Variants in LRRN2 observed in about 807,000 individuals in gnomAD.
The protein encoded by LRRN2 is leucine rich repeat neuronal 2.
A neutral mutation model predicts 35.7 loss-of-function variants in LRRN2; 10 were observed. The ratio of observed to expected loss-of-function variants is 0.28; its 90% CI spans 0.17 to 0.47. LRRN2 has a LOEUF of 0.47. LRRN2 is among the 20% of genes least tolerant of loss of function. The pLI, the probability that LRRN2 is intolerant of heterozygous loss-of-function variation, is 0.99. For missense variants in LRRN2, 731 were observed against 940.3 expected (o/e 0.78, Z 2.91); for synonymous variants, 391 against 409.6 (o/e 0.95, Z 0.55).
intron 1 of LRRN2, among the ~76,000 whole-genome samples, chr1:204,660,440 G>C (rs1243059205): frequency 6.6e-6 from 1 of 152,098 alleles, no homozygotes; most frequent in Non-Finnish European, 1.5e-5. Flanking sequence ...AATAGCAGAT[G>C]TCCAAAATAT....
intron 1 of LRRN2, chr1:204,621,628 G>A (rs910541516): frequency 6.6e-5 from 11 of 167,094 alleles, no homozygotes; most frequent in Non-Finnish European, 1.5e-4. Flanking sequence ...CCTTTCTTCA[G>A]GAGATTAGAC....
chr1:204,684,886 C>A (rs559193027), intron 1 of LRRN2, among the ~76,000 whole-genome samples: 105 of 152,360 alleles, frequency 6.9e-4, no homozygotes, highest in Middle Eastern at 6.8e-3. Context: ...GCGCTTCCAG[C>A]CTGCCAGTCC....
At chr1:204,662,355 C>G (rs151222403) in intron 1 of LRRN2, among the ~76,000 whole-genome samples, 135 of 152,238 alleles carry the variant, frequency 8.9e-4, no homozygotes, top group African/African-American at 3.2e-3. Flanking sequence ...TATGCCAGAC[C>G]CTTTACAAAC....
intron 1 of LRRN2, among the ~76,000 whole-genome samples, chr1:204,645,252 G>A (rs1558412992): frequency 6.6e-6 from 1 of 152,278 alleles, no homozygotes; most frequent in African/African-American, 2.4e-5. Context: ...ATTGGAGCCA[G>A]GTTGGTCTGG....
Position 204,619,568 on chromosome 1 carries a change from C to G in LRRN2, c.425G>C (p.Ser142Thr). The G allele has an allele frequency of 4.3e-6, 7 of 1,614,186 alleles. No individual in the cohort carries two copies. The highest frequency in any genetic ancestry group is 5.1e-6 in the Non-Finnish European group (6 of 1,180,036). The change falls in exon 2 of 2, where the codon AGC (serine) becomes ACC (threonine). Residue 142 changes from serine to threonine, a missense_variant. Physicochemically the swap from Ser to Thr is moderately conservative, Grantham distance 58. Coordinates refer to ENST00000367177, the MANE Select transcript of LRRN2 (RefSeq NM_201630.2). ...LEDHSFAGLA[S>T]LQELYLNHNQ... ...GTGGTTGAGATAGAGTTCCTGTAGG[C>G]TGGCCAGCCCTGCAAAGCTGTGGTC...
Position 204,655,200 on chromosome 1 carries a change from G to A in LRRN2, c.-227+30120C>T, listed in dbSNP as rs550552264. Among the ~76,000 whole-genome samples, 11 of 152,302 alleles carry A rather than the reference G, an allele frequency of 7.2e-5. No individual in the cohort carries two copies. The South Asian group carries it at 2.1e-3, about 29-fold the overall frequency. On this transcript the variant is annotated intron_variant, in intron 1 of 1. Coordinates refer to ENST00000367177, the MANE Select transcript of LRRN2 (RefSeq NM_201630.2). ...GAAATGAGGTAAGTTCTCCGACAGC[G>A]GAACTGACCACCCCAGCAAGTGGTG...
intron 1 of LRRN2, among the ~76,000 whole-genome samples, chr1:204,632,628 C>CAAA (rs10719120): frequency 3.8e-5 from 4 of 104,550 alleles, no homozygotes; most frequent in Non-Finnish European, 5.7e-5. Flanking sequence ...GACTCTGTCT[C>CAAA]AAAAAAAAAA....
intron 1 of LRRN2, among the ~76,000 whole-genome samples, chr1:204,641,045 G>A (rs1391375094): frequency 6.6e-6 from 1 of 150,470 alleles, no homozygotes; most frequent in Non-Finnish European, 1.5e-5. Context: ...AATAGAGCCA[G>A]GGAAGGCCAT....
chr1:204,627,698 G>T (rs1233617875), intron 1 of LRRN2, among the ~76,000 whole-genome samples: 1 of 152,266 alleles, frequency 6.6e-6, no homozygotes, highest in Non-Finnish European at 1.5e-5. Context: ...GCAGCTCCAG[G>T]CTGCATCTCA....
chr1:204,642,183 C>A (rs893111028), intron 1 of LRRN2, among the ~76,000 whole-genome samples: 1 of 152,196 alleles, frequency 6.6e-6, no homozygotes, highest in African/African-American at 2.4e-5. Context: ...ACAGGGGGAA[C>A]ATTCTCTCCT....
Position 204,675,828 on chromosome 1 carries a change from C to T in LRRN2, c.-227+9492G>A, listed in dbSNP as rs140562435. Among the ~76,000 whole-genome samples, 79 of 152,340 alleles carry T rather than the reference C, an allele frequency of 5.2e-4. No homozygotes were observed. The South Asian group carries it at 6.6e-3, about 13-fold the overall frequency. On this transcript the variant is annotated intron_variant, in intron 1 of 1. Transcript: ENST00000367177. ...TGAAAGCCACAGAACCAGAGCGCTT[C>T]CTGTTGCCATCAGTTCTGATGCACT...
At chr1:204,646,988 T>C (rs1433098994) in intron 1 of LRRN2, among the ~76,000 whole-genome samples, 2 of 152,092 alleles carry the variant, frequency 1.3e-5, no homozygotes, top group East Asian at 3.9e-4. Context: ...CAAGCCAGGG[T>C]TCCGTCTCAA....
Position 204,618,131 on chromosome 1 carries a change from C to A in LRRN2, c.1862G>T (p.Cys621Phe), listed in dbSNP as rs754047415. Residue 621 changes from cysteine to phenylalanine, a missense_variant, in exon 2 of 2, where the codon TGC (cysteine) becomes TTC (phenylalanine). This residue lies in a region of LRRN2 where 229 missense variants were observed against 258.4 expected (regional missense o/e 0.89). Transcript: ENST00000367177. ...VWARTKEATS[C>F]HRALGDRPGL... is the part of the protein sequence containing the mutation. The stretch of plus-strand genomic sequence containing the variant: ...AGGACGGTCCCCTAAGGCTCTGTGG[C>A]AAGAAGTGGCCTCTTTGGTCCTGGC... 1.1e-5 allele frequency: 17 copies of A among 1,614,090 alleles called. No individual in the cohort carries two copies. The highest frequency in any genetic ancestry group is 1.4e-5 in the Non-Finnish European group (17 of 1,179,970).
At chr1:204,642,678 C>A (rs1411478938) in intron 1 of LRRN2, among the ~76,000 whole-genome samples, 2 of 152,248 alleles carry the variant, frequency 1.3e-5, no homozygotes, top group Admixed American at 1.3e-4. Flanking sequence ...CATCCCTACA[C>A]GGGATAGCTG....
chr1:204,631,393 T>C (rs2102593670), intron 1 of LRRN2, among the ~76,000 whole-genome samples: 1 of 146,456 alleles, frequency 6.8e-6, no homozygotes, highest in South Asian at 2.2e-4. Flanking sequence ...CTCTTATCCA[T>C]TGAGCATGAA....
At chr1:204,652,371 T>A (rs1351437882) in intron 1 of LRRN2, among the ~76,000 whole-genome samples, 1 of 150,326 alleles carries the variant, frequency 6.7e-6, no homozygotes, top group African/African-American at 2.4e-5. Context: ...CTCCCAGCGC[T>A]GTTTCGAGTC....
chr1:204,666,370 A>C (rs1668573409), intron 1 of LRRN2, among the ~76,000 whole-genome samples: 1 of 152,260 alleles, frequency 6.6e-6, no homozygotes, highest in African/African-American at 2.4e-5. Context: ...GTAAAACACC[A>C]TGCTAGGTGC....
At chr1:204,675,189 T>A (rs1258010778) in intron 1 of LRRN2, among the ~76,000 whole-genome samples, 1 of 152,154 alleles carries the variant, frequency 6.6e-6, no homozygotes, top group African/African-American at 2.4e-5. Flanking sequence ...GCCACCGAGT[T>A]CTGAAGCAAT....
chr1:204,619,362 G>T lies in LRRN2; in HGVS notation c.631C>A (p.Pro211Thr), dbSNP rs754639286. 2 of 1,614,260 alleles carry T rather than the reference G, an allele frequency of 1.2e-6. No homozygotes were observed. The highest frequency in any genetic ancestry group is 2.2e-5 in the South Asian group (2 of 91,090). ...ACCAGGCTACGCAGGTTGGCCAGGG[G>T]CCGGAAGTTCATGTCCAGGATGGCA... ...VDAILDMNFRPLANLRSLVLA... is the reference protein window; with the variant it reads ...VDAILDMNFRTLANLRSLVLA... Residue 211 changes from proline to threonine, a missense_variant, in exon 2 of 2, where the codon CCC becomes ACC. By Grantham distance (38) the Pro-to-Thr change is conservative. This residue lies in a region of LRRN2 where 246 missense variants were observed against 289.5 expected (regional missense o/e 0.85). Coordinates refer to ENST00000367177, the MANE Select transcript of LRRN2 (RefSeq NM_201630.2).
Sources: allele counts gnomAD v4.1 joint callset (sites outside exome capture counted in the v4.1 genomes callset), GRCh38; gene constraint gnomAD v4.1.1; regional missense constraint gnomAD v4.1.1; transcripts MANE v1.5; gene names NCBI Gene and HGNC (gene_info 2026-07-23, HGNC 2026-07-21).